The following PTPRT variants were observed in gnomAD, a reference collection of about 807,000 sequenced individuals.
PTPRT encodes the protein receptor-type tyrosine-protein phosphatase T.
PTPRT carries 56 observed loss-of-function variants against 176.8 expected under a neutral mutation model. That is an observed-to-expected ratio of 0.32 (90% CI 0.26 to 0.40). The LOEUF (loss-of-function observed/expected upper bound fraction) is 0.40. Ranked by LOEUF, PTPRT falls within the 10% of genes least tolerant of loss-of-function variation. The pLI, the probability that PTPRT is intolerant of heterozygous loss-of-function variation, is 1.00. For missense variants in PTPRT, 1,540 were observed against 1,908.2 expected (o/e 0.81, Z 3.60); for synonymous variants, 783 against 739.0 (o/e 1.06, Z -0.96).
intron 14 of PTPRT, among the ~76,000 whole-genome samples, chr20:42,248,324 T>G (rs1181494438): frequency 6.6e-6 from 1 of 152,238 alleles, no homozygotes; most frequent in Non-Finnish European, 1.5e-5. Flanking sequence ...GTTTCTGGAC[T>G]GATCCATGTT....
At chr20:42,404,972 T>TTATATATATATATATATATATATA (rs200602736) in intron 9 of PTPRT, among the ~76,000 whole-genome samples, 2,609 of 75,538 alleles carry the variant, frequency 0.035, 75 homozygotes, top group Admixed American at 0.056. Context: ...GGCCAATTAA[T>TTATATATATATATATATATATATA]TATATATATA....
At chr20:43,109,826 T>C (rs1424242517) in intron 1 of PTPRT, among the ~76,000 whole-genome samples, 1 of 152,104 alleles carries the variant, frequency 6.6e-6, no homozygotes, top group Non-Finnish European at 1.5e-5. Context: ...GAGCTAAGTA[T>C]GTGCAAAGGT....
chr20:42,829,303 G>T (rs1017758658), intron 2 of PTPRT, among the ~76,000 whole-genome samples: 1 of 152,318 alleles, frequency 6.6e-6, no homozygotes, highest in South Asian at 2.1e-4. Context: ...CACTGTATCT[G>T]GGAAGTAACT....
intron 1 of PTPRT, among the ~76,000 whole-genome samples, chr20:43,098,020 C>T (rs1191990892): frequency 2.6e-5 from 4 of 152,070 alleles, no homozygotes; most frequent in African/African-American, 7.2e-5. Context: ...CAGTCCCCTT[C>T]GCCAGCTTCC....
At chr20:42,811,657 C>T (rs1474019466) in intron 2 of PTPRT, among the ~76,000 whole-genome samples, 1 of 152,104 alleles carries the variant, frequency 6.6e-6, no homozygotes, top group East Asian at 1.9e-4. Flanking sequence ...CTCAACTTCT[C>T]CTCCCTCTCT....
At chr20:42,037,783 C>T in the PTPRT span, among the ~76,000 whole-genome samples, 1 of 152,148 alleles carries the variant, frequency 6.6e-6, no homozygotes, top group Admixed American at 6.5e-5. Context: ...ACTGAAGACA[C>T]ATTTGGCAAA....
chr20:43,069,395 T>C (rs2011151730), intron 1 of PTPRT, among the ~76,000 whole-genome samples: 2 of 152,226 alleles, frequency 1.3e-5, no homozygotes, highest in Admixed American at 1.3e-4. Flanking sequence ...CAATGTTACA[T>C]TAACATCAAA....
chr20:42,566,073 T>C (rs1251404226), intron 7 of PTPRT, among the ~76,000 whole-genome samples: 1 of 152,070 alleles, frequency 6.6e-6, no homozygotes, highest in Non-Finnish European at 1.5e-5. Context: ...AAGGCTTTTT[T>C]ACATTGTGCA....
At chr20:42,742,216 AC>A (rs1393296585) in intron 6 of PTPRT, among the ~76,000 whole-genome samples, 1 of 152,216 alleles carries the variant, frequency 6.6e-6, no homozygotes, top group Non-Finnish European at 1.5e-5. Flanking sequence ...TTCAGCTCCC[AC>A]AAAATGCTGA....
chr20:42,821,733 G>C (rs1048528862), intron 2 of PTPRT, among the ~76,000 whole-genome samples: 2 of 152,114 alleles, frequency 1.3e-5, no homozygotes, highest in Non-Finnish European at 2.9e-5. Flanking sequence ...CAAAAGCAAT[G>C]TGCAAATATC....
chr20:42,824,367 T>C (rs2077955211), intron 2 of PTPRT, among the ~76,000 whole-genome samples: 1 of 152,032 alleles, frequency 6.6e-6, no homozygotes. Context: ...CTATTAAGAA[T>C]TAAATACCTA....
intron 12 of PTPRT, among the ~76,000 whole-genome samples, chr20:42,298,016 G>C (rs1344124624): frequency 3.9e-5 from 6 of 152,006 alleles, no homozygotes; most frequent in Non-Finnish European, 8.8e-5. Context: ...GAAAAAAAAT[G>C]ATTCATCTGA....
chr20:42,816,444 C>T (rs1030636355), intron 2 of PTPRT, among the ~76,000 whole-genome samples: 3 of 152,178 alleles, frequency 2.0e-5, no homozygotes, highest in Admixed American at 2.0e-4. Flanking sequence ...ATTAAACTGA[C>T]TGATATGGTT....
intron 2 of PTPRT, among the ~76,000 whole-genome samples, chr20:42,868,061 T>C (rs376585802): frequency 1.3e-5 from 2 of 152,050 alleles, no homozygotes; most frequent in South Asian, 4.2e-4. Flanking sequence ...AAGTAGAGTG[T>C]TGTAACAAAT....
chr20:42,350,663 C>T lies in PTPRT; in HGVS notation c.1830G>A (p.Met610Ile), dbSNP rs1386381982. Reference protein sequence around the residue: ...LNETDTTITVMLKPAQSRGAP... With the variant: ...LNETDTTITVILKPAQSRGAP... ...CTCCCCGGGACTGAGCGGGTTTCAG[C>T]ATCACTGTGATGGTCGTGTCTGTCT... Residue 610 changes from methionine to isoleucine, a missense_variant, in exon 11 of 31, where the codon ATG becomes ATA. Met to Ile is a conservative substitution (Grantham distance 10). This residue lies in a region of PTPRT where 81 missense variants were observed against 89.9 expected (regional missense o/e 0.90). Transcript: ENST00000373187. The T allele has an allele frequency of 1.2e-6, 2 of 1,613,756 alleles. No individual in the cohort carries two copies. The highest frequency in any genetic ancestry group is 1.1e-5 in the South Asian group (1 of 91,076).
chr20:42,493,565 T>C (rs1021060630), intron 7 of PTPRT, among the ~76,000 whole-genome samples: 3 of 152,090 alleles, frequency 2.0e-5, no homozygotes, highest in African/African-American at 7.2e-5. Flanking sequence ...AGTACTCAGT[T>C]AGGATAAGAA....
intron 15 of PTPRT, among the ~76,000 whole-genome samples, chr20:42,213,402 T>A (rs1040930232): frequency 8.5e-5 from 13 of 152,182 alleles, no homozygotes; most frequent in Non-Finnish European, 4.4e-5. Context: ...TTGATTTCAC[T>A]ATAGTGGGGG....
rs6016872 is a variant in PTPRT at position 42,680,141 on chromosome 20, C to T, written c.860-1982G>A. ...TCAGGTAAGGGCTTTGAGATAGAGA[C>T]GCACTAAGCATTTCCCTTCCAATTA... On this transcript the variant is annotated intron_variant, in intron 6 of 30. Transcript: ENST00000373187. Among the ~76,000 whole-genome samples the T allele has an allele frequency of 9.2e-3, 1,396 of 152,236 alleles. 24 individuals are homozygous for T. The highest frequency in any genetic ancestry group is 0.032 in the African/African-American group (1,319 of 41,542).
chr20:42,320,170 G>A (rs1389512729), intron 11 of PTPRT, among the ~76,000 whole-genome samples: 2 of 152,138 alleles, frequency 1.3e-5, no homozygotes, highest in East Asian at 3.9e-4. Context: ...ACTTCTGTAA[G>A]GTCAAGGAGA....
Sources: gnomAD v4.1 joint callset for allele counts (sites outside exome capture counted in the v4.1 genomes callset) on GRCh38, gnomAD v4.1.1 for gene constraint, gnomAD v4.1.1 regional missense constraint, MANE v1.5 for transcripts, NCBI Gene and HGNC (gene_info 2026-07-23, HGNC 2026-07-21) for gene names.